Variants in SYT14 observed in about 807,000 individuals in gnomAD.
SYT14 encodes synaptotagmin-14.
A neutral mutation model predicts 74.2 loss-of-function variants in SYT14; 32 were observed. The ratio of observed to expected loss-of-function variants is 0.43; its 90% CI spans 0.33 to 0.58. The LOEUF (loss-of-function observed/expected upper bound fraction) is 0.58, where lower values mean the gene tolerates loss of function less well. Ranked by LOEUF, SYT14 falls within the 20% of genes least tolerant of loss-of-function variation. SYT14 has a pLI of 0.05. For missense variants in SYT14, 791 were observed against 981.8 expected (o/e 0.81, Z 2.60); for synonymous variants, 298 against 337.7 (o/e 0.88, Z 1.29).
At chr1:210,038,245 C>T (rs975865785) in intron 5 of SYT14, among the ~76,000 whole-genome samples, 1 of 152,068 alleles carries the variant, frequency 6.6e-6, no homozygotes, top group Non-Finnish European at 1.5e-5. Context: ...TTCCTACTCA[C>T]TTTTGGCTTC....
Position 210,004,770 on chromosome 1 carries a change from A to G in SYT14, c.-485-8863A>G, listed in dbSNP as rs17015515. Among the ~76,000 whole-genome samples, 1,196 of 152,150 alleles carry G rather than the reference A, an allele frequency of 7.9e-3. 20 individuals carry two copies. Among genetic ancestry groups the G allele is most frequent in the African/African-American group, 0.027 (1,142 of 41,550 alleles). On this transcript the variant is annotated intron_variant, in intron 2 of 9. Transcript: ENST00000637265. ...ACTCAGCAAATCTATCAGCAGCTGA[A>G]CTTAAAGGATTGTATCTTTTCTCAA...
chr1:210,056,786 A>C (rs1270897879), intron 5 of SYT14, among the ~76,000 whole-genome samples: 2 of 151,326 alleles, frequency 1.3e-5, no homozygotes, highest in Admixed American at 1.3e-4. Context: ...ACTCCGTATC[A>C]AACAACAACA....
At chr1:210,167,083 C>G (rs572979706) in exon 10 of SYT14, 1 of 152,014 alleles carries the variant, frequency 6.6e-6, no homozygotes, top group Non-Finnish European at 1.5e-5. Context: ...ATATTTCCTT[C>G]TAAGTTATCT....
intron 5 of SYT14, among the ~76,000 whole-genome samples, chr1:210,082,130 AAG>A (rs553358485): frequency 5.3e-5 from 8 of 152,332 alleles, no homozygotes; most frequent in South Asian, 4.1e-4. Flanking sequence ...CCATCTAAGA[AAG>A]AGTTAAACTT....
At chr1:209,978,149 A>C (rs545786927) in intron 2 of SYT14, among the ~76,000 whole-genome samples, 1 of 152,112 alleles carries the variant, frequency 6.6e-6, no homozygotes, top group Non-Finnish European at 1.5e-5. Flanking sequence ...CATGGGTTCA[A>C]ACTTTCTCCT....
chr1:210,094,745 C>A, intron 6 of SYT14, 152 bp downstream of exon 5: 2 of 1,017,112 alleles, frequency 2.0e-6, no homozygotes, highest in East Asian at 2.6e-5. Context: ...CTTTATCCAA[C>A]AAACTTATCA....
chr1:210,107,543 A>G (rs545546140), intron 7 of SYT14, among the ~76,000 whole-genome samples: 3 of 152,334 alleles, frequency 2.0e-5, no homozygotes, highest in South Asian at 4.1e-4. Flanking sequence ...GAAGGCAGAC[A>G]TAGGGCAGAT....
intron 2 of SYT14, among the ~76,000 whole-genome samples, chr1:209,967,235 T>C (rs1312299658): frequency 6.6e-6 from 1 of 152,154 alleles, no homozygotes; most frequent in Non-Finnish European, 1.5e-5. Flanking sequence ...GTTAAGACTT[T>C]TCGTGTGTCA....
intron 2 of SYT14, among the ~76,000 whole-genome samples, chr1:209,968,899 T>C (rs2079199598): frequency 6.6e-6 from 1 of 152,016 alleles, no homozygotes; most frequent in Admixed American, 6.6e-5. Flanking sequence ...CTCCCTTTCT[T>C]CCTCCCCACT....
At chr1:210,085,980 G>T (rs1304826185) in intron 5 of SYT14, among the ~76,000 whole-genome samples, 2 of 151,934 alleles carry the variant, frequency 1.3e-5, no homozygotes, top group African/African-American at 4.8e-5. Context: ...TAAATAATAA[G>T]TTCACCAGTG....
chr1:210,002,593 C>T (rs2079921024), intron 2 of SYT14, among the ~76,000 whole-genome samples: 1 of 151,902 alleles, frequency 6.6e-6, no homozygotes, highest in Admixed American at 6.6e-5. Flanking sequence ...CCAATTGCTC[C>T]ACTTCCTAAC....
At chr1:210,100,556 C>CA (rs1237733521) in intron 7 of SYT14, 95 bp downstream of exon 6, 7 of 1,275,656 alleles carry the variant, frequency 5.5e-6, no homozygotes, top group Non-Finnish European at 7.8e-6. Context: ...ACAAGTTTGT[C>CA]AGTCTATTTT....
chr1:210,138,849 G>T (rs1419793245), intron 7 of SYT14, among the ~76,000 whole-genome samples: 1 of 152,040 alleles, frequency 6.6e-6, no homozygotes, highest in African/African-American at 2.4e-5. Context: ...GCAAGACAAG[G>T]TAATTCACAA....
At chr1:210,151,381 T>C (rs2083154720) in intron 7 of SYT14, among the ~76,000 whole-genome samples, 2 of 152,120 alleles carry the variant, frequency 1.3e-5, no homozygotes, top group South Asian at 2.1e-4. Context: ...AGCATCGATA[T>C]TTAATTTGAG....
At chr1:210,042,391 T>G (rs1220383946) in intron 5 of SYT14, among the ~76,000 whole-genome samples, 1 of 152,182 alleles carries the variant, frequency 6.6e-6, no homozygotes, top group African/African-American at 2.4e-5. Flanking sequence ...AATTTGGCTT[T>G]TGTTGCCATT....
chr1:209,987,727 TC>T (rs1212461365), intron 2 of SYT14, among the ~76,000 whole-genome samples: 1 of 152,254 alleles, frequency 6.6e-6, no homozygotes, highest in African/African-American at 2.4e-5. Context: ...TTTTCAAAGA[TC>T]ATTTAACTGG....
chr1:210,021,118 C>T, exon 5 of SYT14: 2 of 1,613,938 alleles, frequency 1.2e-6, no homozygotes, highest in Non-Finnish European at 1.7e-6. Context: ...ATCATGAGGC[C>T]TTATCCAGAA....
intron 1 of SYT14, among the ~76,000 whole-genome samples, chr1:209,938,599 C>G (rs1197793742): frequency 6.6e-6 from 1 of 151,960 alleles, no homozygotes; most frequent in Non-Finnish European, 1.5e-5. Context: ...GAGTGGAGGT[C>G]GGGGTGAGGC....
chr1:209,941,784 C>T (rs1226802967), intron 1 of SYT14, among the ~76,000 whole-genome samples: 1 of 152,206 alleles, frequency 6.6e-6, no homozygotes, highest in Non-Finnish European at 1.5e-5. Flanking sequence ...TACCTGAATA[C>T]AGTTGTCCCT....
Sources: allele counts gnomAD v4.1 joint callset (sites outside exome capture counted in the v4.1 genomes callset), GRCh38; gene constraint gnomAD v4.1.1; transcripts MANE v1.5; gene names NCBI Gene and HGNC (gene_info 2026-07-23, HGNC 2026-07-21).